The following NLRP14 variants were observed in gnomAD, a reference collection of about 807,000 sequenced individuals.
NLRP14 encodes NLR family pyrin domain containing 14, also known as NACHT, LRR and PYD domains-containing protein 14.
A neutral mutation model predicts 94.7 loss-of-function variants in NLRP14; 105 were observed. The observed-to-expected ratio is 1.11, with a 90% CI of 0.95 to 1.30. The LOEUF (loss-of-function observed/expected upper bound fraction) is 1.30. Among genes scored for constraint, NLRP14 ranks in the 50% most tolerant of loss-of-function variants. NLRP14 has a pLI of 0.00. For missense variants in NLRP14, 1,362 were observed against 1,254.1 expected (o/e 1.09, Z -1.30); for synonymous variants, 508 against 459.9 (o/e 1.10, Z -1.34).
chr11:7,084,018 A>G, the NLRP14 span, among the ~76,000 whole-genome samples: 6 of 152,218 alleles, frequency 3.9e-5, no homozygotes, highest in Non-Finnish European at 7.3e-5. Context: ...ACTATAAGGA[A>G]AATAGCACAT....
intron 10 of NLRP14, among the ~76,000 whole-genome samples, chr11:7,063,002 C>T (rs1357022699): frequency 2.0e-5 from 3 of 152,032 alleles, no homozygotes; most frequent in Non-Finnish European, 4.4e-5. Flanking sequence ...GAATTATTGA[C>T]CTCAGGGTCA....
chr11:7,085,660 C>A, the NLRP14 span, among the ~76,000 whole-genome samples: 7 of 148,738 alleles, frequency 4.7e-5, no homozygotes, highest in African/African-American at 1.2e-4. Context: ...CCACTAAGTC[C>A]CTGATATAAA....
At chr11:7,076,107 A>T (rs1024619938), downstream of NLRP14, among the ~76,000 whole-genome samples, 1 of 152,210 alleles carries the variant, frequency 6.6e-6, no homozygotes, top group Non-Finnish European at 1.5e-5. Context: ...GAATAAGTCA[A>T]ATGAAAATTT....
intron 6 of NLRP14, among the ~76,000 whole-genome samples, chr11:7,050,206 T>C (rs1852421892): frequency 6.6e-6 from 1 of 152,242 alleles, no homozygotes; most frequent in Admixed American, 6.5e-5. Context: ...GGATGTTCTT[T>C]AATGTAACTG....
At chr11:7,090,647 A>G in the NLRP14 span, 1 of 347,592 alleles carries the variant, frequency 2.9e-6, no homozygotes, top group Non-Finnish European at 5.7e-6. Context: ...TTTGATAAAC[A>G]TCTGCTCACC....
downstream of NLRP14, among the ~76,000 whole-genome samples, chr11:7,075,632 G>A (rs1201845841): frequency 6.6e-6 from 1 of 152,090 alleles, no homozygotes; most frequent in Non-Finnish European, 1.5e-5. Flanking sequence ...CTTATTATTT[G>A]TCTTTGTTCT....
chr11:7,090,316 G>A, the NLRP14 span: 3 of 1,575,210 alleles, frequency 1.9e-6, no homozygotes, highest in South Asian at 1.2e-5. Flanking sequence ...ACAGACTTGG[G>A]ACCAAAAATC....
chr11:7,046,597 T>C (rs1852353812), intron 4 of NLRP14, 71 bp from the exon 5 acceptor site: 1 of 1,402,194 alleles, frequency 7.1e-7, no homozygotes, highest in Non-Finnish European at 1.0e-6. Flanking sequence ...ACTCCAATAC[T>C]ATCCTCTGAG....
intron 1 of NLRP14, among the ~76,000 whole-genome samples, chr11:7,022,276 G>A (rs12098870): frequency 0.048 from 7,367 of 152,244 alleles, 369 homozygotes; most frequent in African/African-American, 0.12. Flanking sequence ...TTTGATGGGG[G>A]TCCTGGGAGC....
At chr11:7,046,168 C>T (rs1852345571) in intron 4 of NLRP14, among the ~76,000 whole-genome samples, 1 of 152,088 alleles carries the variant, frequency 6.6e-6, no homozygotes, top group African/African-American at 2.4e-5. Flanking sequence ...GGAGACATTT[C>T]CATTTTATAG....
chr11:7,071,075 A>G, intron 11 of NLRP14, 98 bp from the exon 12 acceptor site: 1 of 1,377,458 alleles, frequency 7.3e-7, no homozygotes, highest in Non-Finnish European at 1.0e-6. Context: ...ATTTTAACAG[A>G]ACAGTTTTTT....
chr11:7,061,490 A>G (rs1852619891), intron 9 of NLRP14, among the ~76,000 whole-genome samples: 1 of 152,054 alleles, frequency 6.6e-6, no homozygotes, highest in Non-Finnish European at 1.5e-5. Flanking sequence ...GACCATGTCA[A>G]TTCTCTTAAC....
intron 5 of NLRP14, among the ~76,000 whole-genome samples, chr11:7,048,518 G>T (rs1852393614): frequency 3.3e-5 from 5 of 152,110 alleles, no homozygotes; most frequent in Admixed American, 3.3e-4. Context: ...CTTTTGGGTG[G>T]GGGCTGGGGA....
In NLRP14 at chr11:7,057,917, T is replaced by C. The variant is rs1852542636; in HGVS notation, c.2462+70T>C. 8 of 1,294,106 alleles carry C rather than the reference T, an allele frequency of 6.2e-6. No individual in the cohort carries two copies. In the East Asian group the frequency reaches 1.8e-4, roughly 30 times the overall value. The allele number at this position is 1,294,106 out of a possible 1,614,324, so 80.2% of individuals were successfully genotyped here. A position where few individuals can be genotyped will look rare whatever the true frequency, so the allele number is the denominator to read the frequency against. ...TCTGTGTAGCTTAATTGTGATCTGATAGGGAAACTTCTTGGGTCTTGGCAC... is the reference window on the plus strand; with the variant it reads ...TCTGTGTAGCTTAATTGTGATCTGACAGGGAAACTTCTTGGGTCTTGGCAC... On this transcript the variant is annotated intron_variant, in intron 7 of 11. Transcript: ENST00000299481.
intron 8 of NLRP14, 94 bp downstream of exon 8, chr11:7,058,544 C>T: frequency 1.0e-6 from 1 of 963,722 alleles, no homozygotes; most frequent in Non-Finnish European, 1.6e-6. Context: ...CTGTCCCTTG[C>T]TTTTTCCCTG....
intron 6 of NLRP14, among the ~76,000 whole-genome samples, chr11:7,055,217 G>A (rs142244782): frequency 6.6e-6 from 1 of 152,010 alleles, no homozygotes; most frequent in Non-Finnish European, 1.5e-5. Flanking sequence ...GATTCACCTT[G>A]GTTTAGAATA....
Position 7,070,291 on chromosome 11 carries a change from A to G in NLRP14, c.2981A>G (p.Glu994Gly). The G allele has an allele frequency of 2.5e-6, 4 of 1,608,270 alleles. No homozygotes were observed. The highest frequency in any genetic ancestry group is 3.4e-6 in the Non-Finnish European group (4 of 1,175,178). The stretch of plus-strand genomic sequence containing the variant: ...TTTGTCTCTCTTCTCTACAGGTTGG[A>G]ATACTGTGGTTTGACATCTCTCTGC... ...PNCNIQRLGL[E>G]YCGLTSLCCQ... The change falls in exon 11 of 12, where the codon GAA (glutamate) becomes GGA (glycine). Residue 994 changes from glutamate (E) to glycine (G), a missense_variant. Physicochemically the swap from Glu to Gly is moderately conservative, Grantham distance 98. Coordinates refer to ENST00000299481, the MANE Select transcript of NLRP14 (RefSeq NM_176822.4).
chr11:7,027,970 A>G (rs895760278), intron 1 of NLRP14, among the ~76,000 whole-genome samples: 4 of 152,094 alleles, frequency 2.6e-5, no homozygotes, highest in African/African-American at 9.7e-5. Context: ...CAATTTTATT[A>G]CCGCCTCCCA....
In NLRP14 at chr11:7,059,925, A is replaced by C; in HGVS notation, c.2665A>C (p.Ser889Arg). ...LRRCHFTSLS[S>R]EYLSTSLLHN... Reference sequence around the variant, plus strand: ...GCGTTGCCATTTCACTTCACTTAGCAGTGAATATCTGTCAACTTCTCTTCT... The same window carrying C: ...GCGTTGCCATTTCACTTCACTTAGCCGTGAATATCTGTCAACTTCTCTTCT... Residue 889 changes from serine (S) to arginine (R), a missense_variant, in exon 9 of 12, where the codon AGT becomes CGT. Physicochemically the swap from Ser to Arg is moderately radical, Grantham distance 110 (BLOSUM62 -1). Transcript: ENST00000299481. The C allele has an allele frequency of 6.2e-7, 1 of 1,612,586 alleles. No homozygotes were observed. Among genetic ancestry groups the C allele is most frequent in the Non-Finnish European group, 8.5e-7 (1 of 1,178,944 alleles).
Sources: gnomAD v4.1 joint callset for allele counts (sites outside exome capture counted in the v4.1 genomes callset) on GRCh38, gnomAD v4.1.1 for gene constraint, MANE v1.5 for transcripts, NCBI Gene and HGNC (gene_info 2026-07-23, HGNC 2026-07-21) for gene names.